Variants in RUVBL1 observed in about 807,000 individuals in gnomAD.
The protein encoded by RUVBL1 is RuvB like AAA ATPase 1, also known as ruvB-like 1.
Under a neutral mutation model 52.4 loss-of-function variants are expected in RUVBL1, and 4 were observed. The ratio of observed to expected loss-of-function variants is 0.08; its 90% confidence interval spans 0.04 to 0.17. The LOEUF is 0.17. Among genes scored for constraint, RUVBL1 ranks in the 10% least tolerant of loss-of-function variants. The pLI is 1.00. For missense variants in RUVBL1, 298 were observed against 572.8 expected (o/e 0.52, Z 4.90); for synonymous variants, 217 against 214.4 (o/e 1.01, Z -0.10).
At chr3:128,094,730 TCA>T (rs1942929933) in intron 8 of RUVBL1, among the ~76,000 whole-genome samples, 1 of 152,172 alleles carries the variant, frequency 6.6e-6, no homozygotes, top group African/African-American at 2.4e-5. Context: ...CAGGAAGCCC[TCA>T]GTTAGTCACC....
At chr3:128,146,143 G>C (rs1308256597) in intron 1 of RUVBL1, among the ~76,000 whole-genome samples, 1 of 152,128 alleles carries the variant, frequency 6.6e-6, no homozygotes, top group East Asian at 1.9e-4. Context: ...GGAGGTGAGG[G>C]GTGAGCCATT....
rs1944250344 is a variant in RUVBL1 at position 128,152,887 on chromosome 3, C to T, written c.-40+316G>A. On this transcript the variant is annotated intron_variant, in intron 1 of 9. Transcript: ENST00000464873. ...CAGCTTTTATTCCCTTATTTGCCCC[C>T]TCCCCCACGTCCCCCCGCCCTCCCC... is the stretch of plus-strand genomic sequence containing the variant. 5.1e-4 allele frequency among the ~76,000 whole-genome samples: 6 copies of T among 11,692 alleles called. 1 individual carries two copies. The highest frequency in any genetic ancestry group is 9.3e-4 in the Non-Finnish European group (5 of 5,358). The allele number at this position is 11,692 out of a possible 152,430, so 7.7% of individuals were successfully genotyped here. A position where few individuals can be genotyped will look rare whatever the true frequency, so the allele number is the denominator to read the frequency against.
intron 8 of RUVBL1, among the ~76,000 whole-genome samples, 154 bp downstream of exon 8, chr3:128,097,146 G>T (rs919210262): frequency 1.3e-5 from 2 of 152,116 alleles, no homozygotes; most frequent in Non-Finnish European, 2.9e-5. Context: ...GGGAAATGAG[G>T]CCAGAGGCAA....
upstream of RUVBL1, among the ~76,000 whole-genome samples, chr3:128,128,577 T>G (rs1224380092): frequency 3.3e-5 from 5 of 152,324 alleles, no homozygotes; most frequent in East Asian, 9.6e-4. Flanking sequence ...GAAGAGGACA[T>G]ACTTCTTCCC....
intron 1 of RUVBL1, among the ~76,000 whole-genome samples, chr3:128,135,390 A>T (rs960113487): frequency 1.3e-5 from 2 of 152,096 alleles, no homozygotes; most frequent in East Asian, 1.9e-4. Context: ...AAAATTAGCC[A>T]GGTGTGGCGG....
chr3:128,093,212 G>C (rs1942887918), intron 8 of RUVBL1, among the ~76,000 whole-genome samples: 1 of 152,218 alleles, frequency 6.6e-6, no homozygotes, highest in Non-Finnish European at 1.5e-5. Context: ...ACAGCATCAT[G>C]CTAAGTGAAA....
intron 1 of RUVBL1, among the ~76,000 whole-genome samples, chr3:128,150,284 TAGA>T: frequency 6.6e-6 from 1 of 152,156 alleles, no homozygotes. Context: ...GAATATTTGT[TAGA>T]AGATTTGTAT....
In RUVBL1 at chr3:128,131,894, A is replaced by C. The variant is rs181845727; in HGVS notation, c.-39-12480T>G. On this transcript the variant is annotated intron_variant, in intron 1 of 9. Transcript: ENST00000464873. ...CTGCCGCCAGCAGGAAACCAAATTGAAAAACTATCCACACAAGAAGGCACC... is the reference window on the plus strand; with the variant it reads ...CTGCCGCCAGCAGGAAACCAAATTGCAAAACTATCCACACAAGAAGGCACC... 5.9e-5 allele frequency among the ~76,000 whole-genome samples: 9 copies of C among 152,352 alleles called. No individual in the cohort carries two copies. The East Asian group carries it at 1.7e-3, about 29-fold the overall frequency.
chr3:128,118,817 C>T (rs1448516007), intron 2 of RUVBL1, among the ~76,000 whole-genome samples: 2 of 152,200 alleles, frequency 1.3e-5, no homozygotes, highest in Non-Finnish European at 1.5e-5. Context: ...ATACTGAGTC[C>T]TCCTGTGCTG....
At chr3:128,125,212 TCA>T (rs1409214463), upstream of RUVBL1, among the ~76,000 whole-genome samples, 5 of 151,928 alleles carry the variant, frequency 3.3e-5, no homozygotes. Flanking sequence ...AGACGGGGTT[TCA>T]CCGTGTTAGC....
At chr3:128,105,869 T>C (rs942005695) in intron 3 of RUVBL1, among the ~76,000 whole-genome samples, 5 of 138,412 alleles carry the variant, frequency 3.6e-5, no homozygotes, top group Non-Finnish European at 7.9e-5. Flanking sequence ...CTTTTTCTTT[T>C]TTTTTTTTTT....
At chr3:128,097,534 C>A (rs1332793954) in intron 7 of RUVBL1, 36 bp from the exon 8 acceptor site, 3 of 1,589,898 alleles carry the variant, frequency 1.9e-6, no homozygotes, top group South Asian at 1.1e-5. Flanking sequence ...AAGGTCAGCA[C>A]AGGGCTGGGG....
At chr3:128,113,204 T>C (rs930765892) in intron 2 of RUVBL1, among the ~76,000 whole-genome samples, 184 bp from the exon 3 acceptor site, 1 of 152,242 alleles carries the variant, frequency 6.6e-6, no homozygotes, top group Admixed American at 6.5e-5. Flanking sequence ...AAATGGCATC[T>C]CTTATCTTCC....
intron 1 of RUVBL1, among the ~76,000 whole-genome samples, chr3:128,137,925 A>G (rs1010177650): frequency 1.3e-5 from 2 of 152,166 alleles, no homozygotes; most frequent in African/African-American, 4.8e-5. Flanking sequence ...CATATCAATA[A>G]AATGAAGGAC....
At chr3:128,127,726 G>A (rs1405810395), upstream of RUVBL1, among the ~76,000 whole-genome samples, 1 of 152,224 alleles carries the variant, frequency 6.6e-6, no homozygotes, top group Non-Finnish European at 1.5e-5. Context: ...GCCAGGTGCA[G>A]TGGCTCACGC....
chr3:128,104,871 T>C lies in RUVBL1; in HGVS notation c.415A>G (p.Thr139Ala), dbSNP rs754440990. 6.2e-7 allele frequency: 1 copy of C among 1,612,980 alleles called. No individual in the cohort carries two copies. Among genetic ancestry groups the C allele is most frequent in the Admixed American group, 1.7e-5 (1 of 60,006 alleles). The part of the protein sequence containing the change: ...EVYEGEVTEL[T>A]PCETENPMGG... ...ATGGGATTCTCTGTCTCACACGGAG[T>C]TAGCTCTGTGACTTCACCTTCATAA... is the stretch of plus-strand genomic sequence containing the variant. Residue 139 changes from threonine (T) to alanine (A), a missense_variant, in exon 4 of 11, where the codon ACT (threonine) becomes GCT (alanine). By Grantham distance (58) the Thr-to-Ala change is moderately conservative (BLOSUM62 0). Coordinates refer to ENST00000322623, the MANE Select transcript of RUVBL1 (RefSeq NM_003707.3).
intron 8 of RUVBL1, among the ~76,000 whole-genome samples, chr3:128,093,644 T>C (rs957264327): frequency 3.9e-5 from 6 of 152,142 alleles, no homozygotes; most frequent in Admixed American, 1.3e-4. Context: ...TATACCTCAA[T>C]ATGAAGAGAA....
At chr3:128,112,801 A>G in intron 3 of RUVBL1, 87 bp downstream of exon 3, 2 of 1,452,438 alleles carry the variant, frequency 1.4e-6, no homozygotes, top group Non-Finnish European at 1.9e-6. Context: ...AATACCAGTC[A>G]TAAAGGCATC....
chr3:128,117,413 C>A (rs1943551329), intron 2 of RUVBL1, among the ~76,000 whole-genome samples: 1 of 152,168 alleles, frequency 6.6e-6, no homozygotes. Context: ...GGCCTCCACC[C>A]ACTAGATGCC....
Sources: allele counts gnomAD v4.1 joint callset (sites outside exome capture counted in the v4.1 genomes callset), GRCh38; gene constraint gnomAD v4.1.1; transcripts MANE v1.5; gene names NCBI Gene and HGNC (gene_info 2026-07-23, HGNC 2026-07-21).